FGF12: variants seen among roughly 807,000 people sequenced by gnomAD.
FGF12 encodes fibroblast growth factor 12B.
A neutral mutation model predicts 23.6 loss-of-function variants in FGF12; 14 were observed. The observed-to-expected ratio is 0.59, with a 90% CI of 0.39 to 0.93. The LOEUF (loss-of-function observed/expected upper bound fraction) is 0.93. FGF12 is among the 40% of genes least tolerant of loss of function. FGF12 has a pLI of 0.00. For synonymous variants in FGF12, 62 were observed against 77.3 expected, an observed-to-expected ratio of 0.80 and a Z score of 1.04; for missense variants, 175 against 217.8, an observed-to-expected ratio of 0.80 and a Z score of 1.24.
At chr3:192,461,728 C>T (rs1027635954) in intron 2 of FGF12, among the ~76,000 whole-genome samples, 1 of 152,028 alleles carries the variant, frequency 6.6e-6, no homozygotes, top group Admixed American at 6.5e-5. Context: ...GTGGCTCATA[C>T]CTGTAATCCC....
chr3:192,309,340 G>T (rs375112366), intron 4 of FGF12, among the ~76,000 whole-genome samples: 21 of 152,288 alleles, frequency 1.4e-4, no homozygotes, highest in Non-Finnish European at 2.5e-4. Context: ...CTACAGTGAG[G>T]ACACAAAGCT....
At chr3:192,401,114 T>C (rs903422135) in intron 2 of FGF12, among the ~76,000 whole-genome samples, 1 of 152,188 alleles carries the variant, frequency 6.6e-6, no homozygotes, top group African/African-American at 2.4e-5. Context: ...TTAACATAAA[T>C]AGCATGATTT....
At chr3:192,238,492 G>C (rs76442636) in intron 4 of FGF12, 16 of 152,268 alleles carry the variant, frequency 1.1e-4, no homozygotes, top group African/African-American at 3.4e-4. Flanking sequence ...CATAATGGTA[G>C]GGGTCCACCA....
chr3:192,489,803 G>A (rs1008936875), intron 2 of FGF12, among the ~76,000 whole-genome samples: 4 of 151,932 alleles, frequency 2.6e-5, no homozygotes, highest in Non-Finnish European at 5.9e-5. Context: ...ACAGAGACGG[G>A]AATGACACAC....
chr3:192,142,008 G>C lies in FGF12; in HGVS notation c.*2001C>G, dbSNP rs183264969. ...AGAGTGACAAGAAGAAATACAGCTA[G>C]AGTTATATTTTTGCCCCAGGGGTAT... On this transcript the variant is annotated 3_prime_UTR_variant, in exon 6 of 6. Coordinates refer to ENST00000445105, the MANE Select transcript of FGF12 (RefSeq NM_004113.6). 2.0e-3 allele frequency: 303 copies of C among 152,296 alleles called. 1 individual carries two copies. The highest frequency in any genetic ancestry group is 0.01 in the Middle Eastern group (3 of 294). 9.4% of individuals were successfully genotyped at this position (152,296 alleles called of 1,614,324 possible).
At chr3:192,391,209 G>A (rs1343822243) in intron 2 of FGF12, among the ~76,000 whole-genome samples, 2 of 152,220 alleles carry the variant, frequency 1.3e-5, no homozygotes, top group Non-Finnish European at 2.9e-5. Flanking sequence ...CAGTGAAATT[G>A]TGGACAACAA....
At chr3:192,673,341 C>T (rs1271741478) in intron 2 of FGF12, 1 of 151,044 alleles carries the variant, frequency 6.6e-6, no homozygotes, top group African/African-American at 2.4e-5. Context: ...AAATTGCCCA[C>T]ATCCATAAAA....
At chr3:192,247,283 A>G (rs367956997) in intron 4 of FGF12, among the ~76,000 whole-genome samples, 6 of 152,178 alleles carry the variant, frequency 3.9e-5, no homozygotes, top group African/African-American at 1.2e-4. Context: ...TGCCATCCCC[A>G]GAGACTTCAG....
At chr3:192,617,609 T>G (rs1714811303) in intron 2 of FGF12, among the ~76,000 whole-genome samples, 1 of 152,122 alleles carries the variant, frequency 6.6e-6, no homozygotes, top group African/African-American at 2.4e-5. Context: ...CAAACTTACA[T>G]AAGAATACAA....
intron 2 of FGF12, among the ~76,000 whole-genome samples, chr3:192,672,175 T>C (rs1717148316): frequency 7.2e-6 from 1 of 139,384 alleles, no homozygotes; most frequent in South Asian, 2.2e-4. Context: ...TAGAATCTCA[T>C]AGTTGTGAGA....
At chr3:192,333,819 G>A (rs1264291912) in intron 4 of FGF12, among the ~76,000 whole-genome samples, 1 of 152,048 alleles carries the variant, frequency 6.6e-6, no homozygotes, top group Non-Finnish European at 1.5e-5. Flanking sequence ...GCACTGGGGA[G>A]AATTACAGGG....
chr3:192,560,206 A>G (rs1265253119), intron 2 of FGF12, among the ~76,000 whole-genome samples: 25 of 152,076 alleles, frequency 1.6e-4, no homozygotes, highest in Admixed American at 1.6e-3. Flanking sequence ...AAATCACTCT[A>G]TATTTGTATG....
At chr3:192,291,323 G>A (rs548667893) in intron 4 of FGF12, among the ~76,000 whole-genome samples, 4 of 152,206 alleles carry the variant, frequency 2.6e-5, no homozygotes, top group South Asian at 4.1e-4. Context: ...GCTTATACCT[G>A]TAATCCCAGC....
intron 2 of FGF12, among the ~76,000 whole-genome samples, chr3:192,447,195 C>A (rs963420555): frequency 6.6e-6 from 1 of 152,102 alleles, no homozygotes; most frequent in Admixed American, 6.6e-5. Flanking sequence ...TGGCTGATAA[C>A]CGATGCTTGA....
chr3:192,656,782 A>C (rs1716443912), intron 2 of FGF12, among the ~76,000 whole-genome samples: 1 of 152,140 alleles, frequency 6.6e-6, no homozygotes, highest in Non-Finnish European at 1.5e-5. Context: ...TAGGCTCATG[A>C]AAATGTAATG....
chr3:192,193,181 A>G (rs984541778), intron 4 of FGF12, among the ~76,000 whole-genome samples: 1 of 152,188 alleles, frequency 6.6e-6, no homozygotes, highest in East Asian at 1.9e-4. Context: ...TGCCCATGAT[A>G]TGGTTTGACT....
intron 2 of FGF12, among the ~76,000 whole-genome samples, chr3:192,722,514 C>T (rs1171667212): frequency 6.6e-6 from 1 of 152,126 alleles, no homozygotes; most frequent in Non-Finnish European, 1.5e-5. Context: ...AGAATTGAAT[C>T]TTCCTTGGAA....
chr3:192,660,530 A>C (rs903859626), intron 2 of FGF12, among the ~76,000 whole-genome samples: 1 of 151,910 alleles, frequency 6.6e-6, no homozygotes, highest in Non-Finnish European at 1.5e-5. Context: ...AAAGAAAGAA[A>C]TTCCAAGTAG....
chr3:192,678,816 C>T (rs1420433375), intron 2 of FGF12, among the ~76,000 whole-genome samples: 1 of 152,158 alleles, frequency 6.6e-6, no homozygotes, highest in Non-Finnish European at 1.5e-5. Flanking sequence ...TCGTAAGGTC[C>T]ATTTCAATGG....
Sources: gnomAD v4.1 joint callset for allele counts (sites outside exome capture counted in the v4.1 genomes callset) on GRCh38, gnomAD v4.1.1 for gene constraint, MANE v1.5 for transcripts, NCBI Gene and HGNC (gene_info 2026-07-23, HGNC 2026-07-21) for gene names.